Variants in LEMD3 observed in about 807,000 individuals in gnomAD.
The protein encoded by LEMD3 is LEM domain containing 3.
In LEMD3, 33 loss-of-function variants were observed where a neutral mutation model predicts 95.2. The ratio of observed to expected loss-of-function variants is 0.35; its 90% CI spans 0.26 to 0.46. The LOEUF is 0.46. Ranked by LOEUF, LEMD3 falls within the 20% of genes least tolerant of loss-of-function variation. The pLI, the probability that LEMD3 is intolerant of heterozygous loss-of-function variation, is 1.00. For synonymous variants in LEMD3, 525 were observed against 474.6 expected (o/e 1.11, Z -1.38); for missense variants, 1,210 against 1,192.8 (o/e 1.01, Z -0.21).
intron 1 of LEMD3, among the ~76,000 whole-genome samples, chr12:65,195,283 A>T (rs1220828114): frequency 6.6e-6 from 1 of 152,130 alleles, no homozygotes; most frequent in Non-Finnish European, 1.5e-5. Flanking sequence ...GTCGAAAAAT[A>T]TCACAAAAAT....
chr12:65,205,031 A>T (rs1414612242), intron 1 of LEMD3, among the ~76,000 whole-genome samples: 17 of 152,218 alleles, frequency 1.1e-4, no homozygotes, highest in Admixed American at 1.1e-3. Flanking sequence ...GGAAGGCCTC[A>T]GGAAATTTGC....
At chr12:65,222,156 A>G (rs532232234) in intron 4 of LEMD3, among the ~76,000 whole-genome samples, 4 of 152,284 alleles carry the variant, frequency 2.6e-5, no homozygotes, top group South Asian at 2.1e-4. Flanking sequence ...GAATGGTTTT[A>G]TCATGAAAGG....
rs1868539413 is a variant in LEMD3, at chr12:65,171,170, C to G, written c.1522+52C>G. The G allele has an allele frequency of 1.9e-6, 3 of 1,600,126 alleles. No homozygotes were observed. The South Asian group carries it at 3.3e-5, about 18-fold the overall frequency. ...TAACAAAGAGAATGTTGTTAGTGGT[C>G]CGCTTTAGCCGCGCTTAGCGTTTTA... On this transcript the variant is annotated intron_variant, in intron 1 of 12. Transcript: ENST00000308330.
Position 65,172,821 on chromosome 12 carries a change from G to C in LEMD3, c.1522+1703G>C, listed in dbSNP as rs1311509399. 2.6e-5 allele frequency among the ~76,000 whole-genome samples: 4 copies of C among 151,856 alleles called. No individual in the cohort carries two copies. The South Asian group carries it at 8.3e-4, about 32-fold the overall frequency. The stretch of plus-strand genomic sequence containing the variant: ...GGTCACTGCAACCTCCGCCTCCTGG[G>C]TTCAAGTGATTCTCCTGCCTCAGCC... On this transcript the variant is annotated intron_variant, in intron 1 of 12. Transcript: ENST00000308330.
chr12:65,234,244 G>T lies in LEMD3; in HGVS notation c.1696-4258G>T, dbSNP rs553463569. 1.8e-4 allele frequency among the ~76,000 whole-genome samples: 27 copies of T among 152,252 alleles called. 1 individual carries two copies. Among genetic ancestry groups the T allele is most frequent in the African/African-American group, 6.5e-4 (27 of 41,560 alleles). On this transcript the variant is annotated intron_variant, in intron 4 of 12. Coordinates refer to ENST00000308330, the MANE Select transcript of LEMD3 (RefSeq NM_014319.5). ...AGCTTGCTTTTAAAAAAGAAAGAAAGAAATTTATATGGCTGCACAGCTTAA... is the reference window on the plus strand; with the variant it reads ...AGCTTGCTTTTAAAAAAGAAAGAAATAAATTTATATGGCTGCACAGCTTAA...
rs2136354792 is a variant in LEMD3, at chr12:65,240,144, C to T, written c.2032C>T (p.Arg678Ter). 1.2e-6 allele frequency: 2 copies of T among 1,611,802 alleles called. No homozygotes were observed. Among genetic ancestry groups the T allele is most frequent in the South Asian group, 1.1e-5 (1 of 91,012 alleles). The change falls in exon 8 of 13, where the codon CGA becomes TGA. Residue 678 changes from arginine (R) to a stop codon, truncating the protein, a stop_gained. Coordinates refer to ENST00000308330, the MANE Select transcript of LEMD3 (RefSeq NM_014319.5). LOFTEE classifies it high-confidence loss of function. ...ATTTTATTTATTTTTAGATGTTTTACGAAGTCATAATGAAGCCTGCCAGGA... is the reference window on the plus strand; with the variant it reads ...ATTTTATTTATTTTTAGATGTTTTATGAAGTCATAATGAAGCCTGCCAGGA... ...DMVVKIIDVL[R>*]SHNEACQENK...
At chr12:65,243,518 G>A (rs768685139) in intron 10 of LEMD3, 49 bp downstream of exon 10, 5 of 1,028,108 alleles carry the variant, frequency 4.9e-6, no homozygotes, top group Non-Finnish European at 7.7e-6. Context: ...TGAATATTTG[G>A]CTGGAAAATG....
intron 1 of LEMD3, among the ~76,000 whole-genome samples, chr12:65,194,596 C>T (rs1266016477): frequency 5.3e-5 from 8 of 151,528 alleles, no homozygotes; most frequent in East Asian, 1.9e-4. Context: ...CTTGAAAAGA[C>T]GTATCAAAAG....
In LEMD3 at chr12:65,170,126, T is replaced by C; in HGVS notation, c.530T>C (p.Leu177Pro). The C allele has an allele frequency of 6.8e-7, 1 of 1,461,068 alleles. No homozygotes were observed. Among genetic ancestry groups the C allele is most frequent in the Non-Finnish European group, 9.0e-7 (1 of 1,112,388 alleles). 90.5% of individuals were successfully genotyped at this position (1,461,068 alleles called of 1,614,324 possible). A position where few individuals can be genotyped will look rare whatever the true frequency, so the allele number is the denominator to read the frequency against. The change falls in exon 1 of 13, where the codon CTG becomes CCG. Residue 177 changes from leucine (L) to proline (P), a missense_variant. This residue lies in a region of LEMD3 where 749 missense variants were observed against 622.9 expected (regional missense o/e 1.20). Transcript: ENST00000308330. The part of the protein sequence containing the change: ...YRGLKAPPAP[L>P]AASEVTNSNS... Reference sequence around the variant, plus strand: ...GGGCTCAAAGCGCCGCCGGCGCCCCTGGCCGCCAGCGAGGTGACTAACAGC... The same window carrying C: ...GGGCTCAAAGCGCCGCCGGCGCCCCCGGCCGCCAGCGAGGTGACTAACAGC...
intron 8 of LEMD3, 83 bp from the exon 9 acceptor site, chr12:65,240,826 T>G: frequency 8.2e-7 from 1 of 1,214,654 alleles, no homozygotes; most frequent in Non-Finnish European, 1.2e-6. Flanking sequence ...ACAGCTAGAG[T>G]TAACTATTAC....
intron 4 of LEMD3, among the ~76,000 whole-genome samples, chr12:65,236,670 A>G (rs545727020): frequency 4.6e-5 from 7 of 152,196 alleles, no homozygotes; most frequent in Non-Finnish European, 1.0e-4. Flanking sequence ...TAGTTTCTAA[A>G]ATAGTACTTG....
chr12:65,189,433 T>G (rs1260157440), intron 1 of LEMD3, among the ~76,000 whole-genome samples: 1 of 152,188 alleles, frequency 6.6e-6, no homozygotes, highest in African/African-American at 2.4e-5. Context: ...TTTCCCTGGT[T>G]TGCAGTTTGA....
intron 1 of LEMD3, 40 bp downstream of exon 1, chr12:65,171,158 G>GT (rs993523845): frequency 1.2e-6 from 2 of 1,602,360 alleles, no homozygotes; most frequent in African/African-American, 2.7e-5. Context: ...CAAAGAGAAT[G>GT]TTGTTAGTGG....
At chr12:65,203,329 C>T (rs1290562005) in intron 1 of LEMD3, among the ~76,000 whole-genome samples, 4 of 152,148 alleles carry the variant, frequency 2.6e-5, no homozygotes, top group Admixed American at 6.5e-5. Context: ...GCTTTTGCCA[C>T]GTCCCACAAA....
At chr12:65,218,440 A>T in intron 3 of LEMD3, 112 bp from the exon 4 acceptor site, 1 of 577,946 alleles carries the variant, frequency 1.7e-6, no homozygotes, top group Non-Finnish European at 3.0e-6. Context: ...TACTGATTAT[A>T]ATAATATAAC....
At chr12:65,211,019 C>A in intron 2 of LEMD3, 56 bp downstream of exon 2, 3 of 1,264,482 alleles carry the variant, frequency 2.4e-6, no homozygotes, top group Non-Finnish European at 3.5e-6. Context: ...ATGATAAAAG[C>A]ATGAGAATGA....
intron 4 of LEMD3, among the ~76,000 whole-genome samples, chr12:65,238,062 A>C (rs991289966): frequency 6.6e-6 from 1 of 152,144 alleles, no homozygotes; most frequent in Non-Finnish European, 1.5e-5. Flanking sequence ...TGAGGTCAGG[A>C]GTTTAAGTCC....
intron 4 of LEMD3, among the ~76,000 whole-genome samples, chr12:65,230,838 A>G (rs1870602929): frequency 1.3e-5 from 2 of 152,164 alleles, no homozygotes; most frequent in South Asian, 4.1e-4. Context: ...TCCATTTCCT[A>G]TAGGGAAAGC....
chr12:65,171,142 AG>A, intron 1 of LEMD3, 24 bp downstream of exon 1: 1 of 1,605,218 alleles, frequency 6.2e-7, no homozygotes, highest in Non-Finnish European at 8.5e-7. Flanking sequence ...CCTGTGGGTA[AG>A]GTAACAAAGA....
Sources: allele counts gnomAD v4.1 joint callset (sites outside exome capture counted in the v4.1 genomes callset), GRCh38; gene constraint gnomAD v4.1.1; regional missense constraint gnomAD v4.1.1; transcripts MANE v1.5; gene names NCBI Gene and HGNC (gene_info 2026-07-23, HGNC 2026-07-21).